The following ZNF736 variants were observed in gnomAD, a reference collection of about 807,000 sequenced individuals.
ZNF736 encodes zinc finger protein 736.
A neutral mutation model predicts 11.7 loss-of-function variants in ZNF736; 6 were observed. That is an observed-to-expected ratio of 0.51 (90% confidence interval 0.28 to 1.01). The LOEUF is 1.01. ZNF736 is among the 50% of genes least tolerant of loss of function. The pLI is 0.09. For synonymous variants in ZNF736, 139 were observed against 164.7 expected, an observed-to-expected ratio of 0.84 and a Z score of 1.19; for missense variants, 444 against 496.0, an observed-to-expected ratio of 0.90 and a Z score of 1.00.
chr7:64,325,902 A>G (rs1292901114), intron 1 of ZNF736, among the ~76,000 whole-genome samples: 1 of 152,108 alleles, frequency 6.6e-6, no homozygotes, highest in Non-Finnish European at 1.5e-5. Flanking sequence ...TTTGCTTTTG[A>G]ATATAGCCAA....
At chr7:64,329,818 A>G (rs1474829617) in intron 1 of ZNF736, among the ~76,000 whole-genome samples, 1 of 152,204 alleles carries the variant, frequency 6.6e-6, no homozygotes, top group Non-Finnish European at 1.5e-5. Context: ...TGGTGAATCC[A>G]GCCAGGCTCA....
intron 3 of ZNF736, among the ~76,000 whole-genome samples, chr7:64,344,557 G>A (rs1399189588): frequency 6.6e-6 from 1 of 152,086 alleles, no homozygotes; most frequent in Non-Finnish European, 1.5e-5. Context: ...ATTTTTGTGT[G>A]TGTGGCTGGC....
chr7:64,314,826 G>A (rs1305966368), intron 1 of ZNF736, among the ~76,000 whole-genome samples: 1 of 152,120 alleles, frequency 6.6e-6, no homozygotes, highest in Non-Finnish European at 1.5e-5. Context: ...GCCCGCCTCG[G>A]GCCTCCTAAA....
At chr7:64,316,025 A>C (rs530440923) in intron 1 of ZNF736, among the ~76,000 whole-genome samples, 8 of 152,172 alleles carry the variant, frequency 5.3e-5, no homozygotes, top group African/African-American at 1.7e-4. Context: ...GCCTTCCCAG[A>C]ATGTCTTTGG....
intron 1 of ZNF736, among the ~76,000 whole-genome samples, chr7:64,327,993 G>C (rs1266141352): frequency 6.6e-6 from 1 of 152,108 alleles, no homozygotes; most frequent in Non-Finnish European, 1.5e-5. Context: ...TAGAGAAAGA[G>C]TTATTACTTT....
At chr7:64,323,549 A>G (rs1343627133) in intron 1 of ZNF736, among the ~76,000 whole-genome samples, 1 of 152,234 alleles carries the variant, frequency 6.6e-6, no homozygotes, top group Non-Finnish European at 1.5e-5. Context: ...ATGGAATACT[A>G]TGCAGGCATA....
At chr7:64,329,538 G>A (rs1407228360) in intron 1 of ZNF736, among the ~76,000 whole-genome samples, 3 of 152,120 alleles carry the variant, frequency 2.0e-5, no homozygotes, top group Non-Finnish European at 2.9e-5. Flanking sequence ...GTGGTCATAG[G>A]TAAGATCCAA....
chr7:64,334,894 C>T (rs1789223277), intron 1 of ZNF736, among the ~76,000 whole-genome samples: 1 of 152,150 alleles, frequency 6.6e-6, no homozygotes, highest in Non-Finnish European at 1.5e-5. Context: ...CCCAAATGCC[C>T]ATCAATGATA....
In ZNF736 at chr7:64,348,609, G is replaced by T. The variant is rs758186475; in HGVS notation, c.746G>T (p.Arg249Ile). Residue 249 changes from arginine (R) to isoleucine (I), a missense_variant, in exon 4 of 4, where the codon AGA becomes ATA. By Grantham distance (97) the Arg-to-Ile change is moderately conservative. Transcript: ENST00000423484. ...TCCTCAACCCTTGTTAAACACAAGA[G>T]AAATCATACTGGAGACAGACCCTAC... The part of the protein sequence containing the change: ...TCSSTLVKHK[R>I]NHTGDRPYKC... 3 of 1,601,474 alleles carry T rather than the reference G, an allele frequency of 1.9e-6. No individual in the cohort carries two copies. The South Asian group carries it at 3.3e-5, about 18-fold the overall frequency.
chr7:64,352,217 C>T lies in ZNF736; in HGVS notation c.*3070C>T, dbSNP rs1789497802. On this transcript the variant is annotated 3_prime_UTR_variant, in exon 4 of 4. Transcript: ENST00000423484. ...TGTCCACTACAGTTTCTAGTCACCT[C>T]AGATTTTCCAGTACTGGAAGTTATC... The T allele has an allele frequency of 6.6e-6, 1 of 152,246 alleles. No individual in the cohort carries two copies. The highest frequency in any genetic ancestry group is 2.4e-5 in the African/African-American group (1 of 41,448). 9.4% of individuals were successfully genotyped at this position (152,246 alleles called of 1,614,324 possible).
intron 1 of ZNF736, among the ~76,000 whole-genome samples, chr7:64,333,518 A>G (rs1441501166): frequency 3.9e-5 from 6 of 152,210 alleles, no homozygotes; most frequent in Non-Finnish European, 8.8e-5. Context: ...CATTAAATCT[A>G]TGCAAAACTG....
At chr7:64,344,576 T>A (rs2115957663) in intron 3 of ZNF736, among the ~76,000 whole-genome samples, 1 of 152,350 alleles carries the variant, frequency 6.6e-6, no homozygotes, top group Non-Finnish European at 1.5e-5. Flanking sequence ...GCTTACTAAT[T>A]TAGCATGTTG....
At chr7:64,318,991 C>G (rs1788955953) in intron 1 of ZNF736, among the ~76,000 whole-genome samples, 1 of 152,038 alleles carries the variant, frequency 6.6e-6, no homozygotes, top group South Asian at 2.1e-4. Flanking sequence ...CTAGAAGTTT[C>G]CTTTAGTTGT....
At chr7:64,318,771 T>C (rs1454040995) in intron 1 of ZNF736, among the ~76,000 whole-genome samples, 1 of 152,166 alleles carries the variant, frequency 6.6e-6, no homozygotes, top group Non-Finnish European at 1.5e-5. Context: ...TAGACATATA[T>C]ATACATGTAG....
At chr7:64,317,082 C>G (rs1295563354) in intron 1 of ZNF736, among the ~76,000 whole-genome samples, 2 of 152,178 alleles carry the variant, frequency 1.3e-5, no homozygotes, top group African/African-American at 4.8e-5. Flanking sequence ...CAGTGGCCAA[C>G]TCATTTTTTT....
intron 1 of ZNF736, among the ~76,000 whole-genome samples, chr7:64,316,130 G>A (rs1371798703): frequency 6.6e-6 from 1 of 152,142 alleles, no homozygotes; most frequent in Non-Finnish European, 1.5e-5. Context: ...TACCCACAAG[G>A]ACCATATCTC....
intron 3 of ZNF736, among the ~76,000 whole-genome samples, chr7:64,340,805 C>T (rs1789326424): frequency 6.6e-6 from 1 of 152,088 alleles, no homozygotes; most frequent in South Asian, 2.1e-4. Flanking sequence ...TTATTGTTGT[C>T]TTATTTTTAA....
rs915882396 is a variant in ZNF736, at chr7:64,351,163, G to A, written c.*2016G>A. 6.6e-5 allele frequency: 10 copies of A among 152,318 alleles called. No homozygotes were observed. The highest frequency in any genetic ancestry group is 1.5e-4 in the Non-Finnish European group (10 of 68,156). 9.4% of individuals were successfully genotyped at this position (152,318 alleles called of 1,614,324 possible). On this transcript the variant is annotated 3_prime_UTR_variant, in exon 4 of 4. Coordinates refer to ENST00000423484, the MANE Select transcript of ZNF736 (RefSeq NM_001170905.3). ...AAGAAAGAGTGATTGTTCAGAGTGT[G>A]GGAGGTTACCCTGTTCTCTGCACAG...
Position 64,348,667 on chromosome 7 carries a change from C to T in ZNF736, c.804C>T (p.Cys268=). ...AAGAATGTGGCAAAGCCTTTAAGTG[C>T]TTCTCAGACCTTACTAATCATAAGA... ...KCEECGKAFK[C]FSDLTNHKRI... is the part of the protein sequence containing the mutation. Residue 268 remains cysteine, a synonymous_variant, in exon 4 of 4, where the codon TGC becomes TGT. Coordinates refer to ENST00000423484, the MANE Select transcript of ZNF736 (RefSeq NM_001170905.3). 6 of 1,606,906 alleles carry T rather than the reference C, an allele frequency of 3.7e-6. No individual in the cohort carries two copies. Among genetic ancestry groups the T allele is most frequent in the Non-Finnish European group, 5.1e-6 (6 of 1,176,620 alleles).
Sources: allele counts gnomAD v4.1 joint callset (sites outside exome capture counted in the v4.1 genomes callset), GRCh38; gene constraint gnomAD v4.1.1; transcripts MANE v1.5; gene names NCBI Gene and HGNC (gene_info 2026-07-23, HGNC 2026-07-21).